The following CACNA2D3 variants were observed in gnomAD, a reference collection of about 807,000 sequenced individuals.
The protein encoded by CACNA2D3 is voltage-dependent calcium channel subunit alpha-2/delta-3.
In CACNA2D3, 60 loss-of-function variants were observed where a neutral mutation model predicts 160.6. The observed-to-expected ratio is 0.37, with a 90% confidence interval of 0.30 to 0.46. CACNA2D3 has a LOEUF of 0.46. Among genes scored for constraint, CACNA2D3 ranks in the 20% least tolerant of loss-of-function variants. CACNA2D3 has a pLI of 1.00. For missense variants in CACNA2D3, 1,205 were observed against 1,365.0 expected (o/e 0.88, Z 1.85); for synonymous variants, 558 against 492.9 (o/e 1.13, Z -1.75).
chr3:55,056,634 G>T (rs1704368020), intron 35 of CACNA2D3, among the ~76,000 whole-genome samples: 1 of 152,082 alleles, frequency 6.6e-6, no homozygotes, highest in Non-Finnish European at 1.5e-5. Flanking sequence ...TTAAAAAGAA[G>T]GAAATTCTGT....
intron 13 of CACNA2D3, among the ~76,000 whole-genome samples, chr3:54,797,399 T>G (rs1702887159): frequency 6.6e-6 from 1 of 152,146 alleles, no homozygotes; most frequent in Non-Finnish European, 1.5e-5. Context: ...TTTCAGTAGG[T>G]GGTAGAAGCC....
chr3:54,428,448 C>T (rs948812878), intron 4 of CACNA2D3, among the ~76,000 whole-genome samples: 5 of 152,178 alleles, frequency 3.3e-5, no homozygotes, highest in African/African-American at 9.7e-5. Context: ...CAGCCAGACA[C>T]CATAATGTGA....
intron 13 of CACNA2D3, among the ~76,000 whole-genome samples, chr3:54,790,989 A>G (rs1355719963): frequency 6.6e-6 from 1 of 151,244 alleles, no homozygotes; most frequent in African/African-American, 2.4e-5. Context: ...TAACCAGCCC[A>G]TTGGCCTATC....
At chr3:54,290,320 A>G (rs1024313375) in intron 2 of CACNA2D3, among the ~76,000 whole-genome samples, 3 of 152,234 alleles carry the variant, frequency 2.0e-5, no homozygotes, top group Non-Finnish European at 2.9e-5. Flanking sequence ...GCTCATCATC[A>G]CTGGCCATCA....
At chr3:54,446,693 C>T (rs2106807035) in intron 4 of CACNA2D3, among the ~76,000 whole-genome samples, 1 of 152,208 alleles carries the variant, frequency 6.6e-6, no homozygotes. Context: ...AAGCAAGCCT[C>T]ATGATGATGG....
chr3:54,753,351 G>A (rs1701904154), intron 12 of CACNA2D3, among the ~76,000 whole-genome samples: 1 of 152,172 alleles, frequency 6.6e-6, no homozygotes, highest in Admixed American at 6.5e-5. Flanking sequence ...CCAATAGGGC[G>A]GGAGTGAAAT....
At position 54,140,707 on chromosome 3, in the gene CACNA2D3, C is replaced by T. The variant is rs979253728; in HGVS notation, c.204+17113C>T. Among the ~76,000 whole-genome samples the T allele has an allele frequency of 6.6e-5, 10 of 152,208 alleles. 1 individual carries two copies. The highest frequency in any genetic ancestry group is 5.9e-4 in the Admixed American group (9 of 15,282). On this transcript the variant is annotated intron_variant, in intron 2 of 37. Coordinates refer to ENST00000474759, the MANE Select transcript of CACNA2D3 (RefSeq NM_018398.3). Reference sequence around the variant, plus strand: ...GTCACCTCTCTGGGTTGCACACCCACCCTCTGATGTCAGTGGTAATGCCTC... The same window carrying T: ...GTCACCTCTCTGGGTTGCACACCCATCCTCTGATGTCAGTGGTAATGCCTC...
At position 54,984,730 on chromosome 3, in the gene CACNA2D3, G is replaced by A. The variant is rs1041481988; in HGVS notation, c.2619+60G>A. Reference sequence around the variant, plus strand: ...ATCTCAGAATGTGCTTGGGTCAGGGGGAACAAATTATGGTGTTAAAACTTG... The same window carrying A: ...ATCTCAGAATGTGCTTGGGTCAGGGAGAACAAATTATGGTGTTAAAACTTG... On this transcript the variant is annotated intron_variant, in intron 30 of 37. Transcript: ENST00000474759. The A allele has an allele frequency of 1.5e-5, 15 of 1,025,870 alleles. No homozygotes were observed. The African/African-American group carries it at 1.5e-4, about 10-fold the overall frequency. The allele number at this position is 1,025,870 out of a possible 1,614,324, so 63.5% of individuals were successfully genotyped here. A position where few individuals can be genotyped will look rare whatever the true frequency, so the allele number is the denominator to read the frequency against.
At chr3:54,508,157 C>T (rs936054284) in intron 5 of CACNA2D3, among the ~76,000 whole-genome samples, 1 of 152,142 alleles carries the variant, frequency 6.6e-6, no homozygotes, top group Non-Finnish European at 1.5e-5. Context: ...AACAACTGCT[C>T]CTTTGTGGAA....
At chr3:54,903,623 G>C (rs1351054762) in intron 27 of CACNA2D3, among the ~76,000 whole-genome samples, 1 of 152,118 alleles carries the variant, frequency 6.6e-6, no homozygotes, top group Non-Finnish European at 1.5e-5. Context: ...GCTCTTTAAG[G>C]AATCGCAACA....
chr3:54,770,001 G>A (rs1417921507), intron 13 of CACNA2D3, among the ~76,000 whole-genome samples: 1 of 152,110 alleles, frequency 6.6e-6, no homozygotes, highest in African/African-American at 2.4e-5. Context: ...CACCCTTACT[G>A]AGGAGAGCCC....
chr3:54,168,361 A>G (rs896008330), intron 2 of CACNA2D3, among the ~76,000 whole-genome samples: 1 of 152,216 alleles, frequency 6.6e-6, no homozygotes, highest in African/African-American at 2.4e-5. Flanking sequence ...CTGCAAAAAT[A>G]TCATTGGAAT....
In CACNA2D3 at chr3:54,679,668, A is replaced by G. The variant is rs147459795; in HGVS notation, c.1167+37427A>G. Among the ~76,000 whole-genome samples, 47 of 152,384 alleles carry G rather than the reference A, an allele frequency of 3.1e-4. No individual in the cohort carries two copies. In the East Asian group the frequency reaches 8.1e-3, roughly 26 times the overall value. ...GTCTCTGGCAGTTGCTGACATAGGA[A>G]ATAGATTCAGGACCATGCAGACCAT... On this transcript the variant is annotated intron_variant, in intron 11 of 37. Coordinates refer to ENST00000474759, the MANE Select transcript of CACNA2D3 (RefSeq NM_018398.3).
rs71096434 is a variant in CACNA2D3 at position 54,678,720 on chromosome 3, C to CAAAAA, written c.1167+36504_1167+36508dup. 6.5e-3 allele frequency among the ~76,000 whole-genome samples: 300 copies of CAAAAA among 45,912 alleles called. 75 individuals are homozygous for CAAAAA. The highest frequency in any genetic ancestry group is 0.015 in the African/African-American group (152 of 10,316). The allele number at this position is 45,912 out of a possible 152,430, so 30.1% of individuals were successfully genotyped here. A position where few individuals can be genotyped will look rare whatever the true frequency, so the allele number is the denominator to read the frequency against. On this transcript the variant is annotated intron_variant, in intron 11 of 37. Coordinates refer to ENST00000474759, the MANE Select transcript of CACNA2D3 (RefSeq NM_018398.3). ...TGGGTGACAGAGTGAGACTCGGTCTCAAAAAAAAAAAAAAAAAAAAAAAAA... is the reference window on the plus strand; with the variant it reads ...TGGGTGACAGAGTGAGACTCGGTCTCAAAAAAAAAAAAAAAAAAAAAAAAAAAAAA...
At chr3:54,963,234 C>A (rs532566980) in intron 27 of CACNA2D3, among the ~76,000 whole-genome samples, 8 of 152,236 alleles carry the variant, frequency 5.3e-5, no homozygotes, top group African/African-American at 1.9e-4. Context: ...TGATCTAAAC[C>A]CCCTATACCT....
At chr3:54,366,820 T>C (rs1304405778) in intron 3 of CACNA2D3, among the ~76,000 whole-genome samples, 1 of 152,218 alleles carries the variant, frequency 6.6e-6, no homozygotes, top group Non-Finnish European at 1.5e-5. Context: ...AAGGCAGCTG[T>C]TTGCTTAACT....
intron 2 of CACNA2D3, among the ~76,000 whole-genome samples, chr3:54,314,212 A>T (rs1703812332): frequency 6.6e-6 from 1 of 152,186 alleles, no homozygotes; most frequent in African/African-American, 2.4e-5. Flanking sequence ...AATTCCCTCC[A>T]GGTTGATGTG....
intron 9 of CACNA2D3, among the ~76,000 whole-genome samples, chr3:54,588,224 T>G (rs931923797): frequency 2.6e-5 from 4 of 152,216 alleles, no homozygotes; most frequent in Admixed American, 2.6e-4. Flanking sequence ...TATGATCATA[T>G]TAATTGACTC....
chr3:54,996,700 G>GTACC (rs1226729008), intron 31 of CACNA2D3, among the ~76,000 whole-genome samples: 1 of 152,202 alleles, frequency 6.6e-6, no homozygotes, highest in Non-Finnish European at 1.5e-5. Context: ...AGTCAAGGAA[G>GTACC]TACCCCTGAA....
Sources: allele counts gnomAD v4.1 joint callset (sites outside exome capture counted in the v4.1 genomes callset), GRCh38; gene constraint gnomAD v4.1.1; transcripts MANE v1.5; gene names NCBI Gene and HGNC (gene_info 2026-07-23, HGNC 2026-07-21).